ASB14: variants seen among roughly 807,000 people sequenced by gnomAD.
ASB14 encodes the protein ankyrin repeat and SOCS box containing 14, also known as ankyrin repeat and SOCS box protein 14.
In ASB14, 63 loss-of-function variants were observed where a neutral mutation model predicts 55.6. The observed-to-expected ratio is 1.13, with a 90% CI of 0.92 to 1.40. The LOEUF is 1.40. Among genes scored for constraint, ASB14 ranks in the 40% most tolerant of loss-of-function variants. The probability of loss-of-function intolerance (pLI) is 0.00; values close to 1 mark genes in which losing one functional copy is unlikely to be tolerated. For missense variants in ASB14, 724 were observed against 710.4 expected (o/e 1.02, Z -0.22); for synonymous variants, 256 against 259.9 (o/e 0.98, Z 0.15).
intron 2 of ASB14, among the ~76,000 whole-genome samples, chr3:57,290,311 C>A (rs574440469): frequency 6.6e-6 from 1 of 152,128 alleles, no homozygotes; most frequent in Admixed American, 6.6e-5. Flanking sequence ...GGCTGGTGGA[C>A]TCTCTGCCTC....
chr3:57,271,158 TTTC>T (rs1279255957), intron 10 of ASB14: 1 of 152,580 alleles, frequency 6.6e-6, no homozygotes, highest in Admixed American at 6.5e-5. Context: ...TATACAGTTT[TTTC>T]TTCTTAGTTC....
intron 5 of ASB14, 104 bp downstream of exon 5, chr3:57,287,795 CAG>C: frequency 1.6e-6 from 2 of 1,248,190 alleles, no homozygotes; most frequent in South Asian, 1.5e-5. Context: ...CAGTTGGGAA[CAG>C]AGTGACAGTG....
At chr3:57,278,098 A>G (rs1015566414) in intron 8 of ASB14, among the ~76,000 whole-genome samples, 178 bp from the exon 9 acceptor site, 2 of 152,244 alleles carry the variant, frequency 1.3e-5, no homozygotes. Flanking sequence ...TTCATCAGAA[A>G]TAAGATCAAA....
intron 5 of ASB14, 124 bp from the exon 6 acceptor site, chr3:57,283,563 T>C: frequency 2.1e-6 from 2 of 954,788 alleles, no homozygotes; most frequent in South Asian, 1.7e-5. Flanking sequence ...CCGAACATTC[T>C]GTGTTTAGGA....
chr3:57,273,527 T>C (rs1454257661), intron 10 of ASB14: 6 of 152,588 alleles, frequency 3.9e-5, no homozygotes, highest in Non-Finnish European at 7.4e-5. Flanking sequence ...TGTAAAACAA[T>C]GGACTTCTTA....
At chr3:57,291,832 A>C (rs2061133843) in intron 2 of ASB14, 80 bp downstream of exon 2, 1 of 1,293,022 alleles carries the variant, frequency 7.7e-7, no homozygotes, top group South Asian at 1.6e-5. Context: ...TTTTGTCACA[A>C]CACTAGAGTT....
chr3:57,290,064 T>C (rs1193165190), intron 2 of ASB14, among the ~76,000 whole-genome samples: 1 of 152,224 alleles, frequency 6.6e-6, no homozygotes, highest in Non-Finnish European at 1.5e-5. Flanking sequence ...CCTGCATTCA[T>C]AGATTTAGTA....
chr3:57,268,436 A>C lies in ASB14; in HGVS notation c.*1205T>G. ...CAGAAAAACAAAAAGAAATAGAGAG[A>C]GTAAAAGAGAAGCAACAGAAAGAAC... is the stretch of plus-strand genomic sequence containing the variant. On this transcript the variant is annotated 3_prime_UTR_variant, in exon 11 of 11. Transcript: ENST00000487349. The C allele has an allele frequency of 3.1e-6, 5 of 1,603,160 alleles. No individual in the cohort carries two copies. The highest frequency in any genetic ancestry group is 4.3e-6 in the Non-Finnish European group (5 of 1,173,812).
At chr3:57,291,601 C>T (rs1431047126) in intron 2 of ASB14, among the ~76,000 whole-genome samples, 1 of 152,140 alleles carries the variant, frequency 6.6e-6, no homozygotes, top group East Asian at 1.9e-4. Context: ...TCTTCAATTC[C>T]CAAAGACAAG....
intron 6 of ASB14, among the ~76,000 whole-genome samples, 151 bp from the exon 7 acceptor site, chr3:57,280,624 C>T (rs999109863): frequency 3.9e-5 from 6 of 152,160 alleles, no homozygotes; most frequent in Admixed American, 3.9e-4. Context: ...ATATATACCT[C>T]CTGCTCTCAA....
intron 5 of ASB14, among the ~76,000 whole-genome samples, chr3:57,284,639 G>A (rs372444210): frequency 3.3e-5 from 5 of 152,276 alleles, no homozygotes; most frequent in East Asian, 3.9e-4. Flanking sequence ...TAGCTCTACC[G>A]TTGTTACAAC....
intron 10 of ASB14, chr3:57,270,238 T>G (rs1179924364): frequency 6.5e-6 from 1 of 152,730 alleles, no homozygotes; most frequent in Non-Finnish European, 1.5e-5. Context: ...TTTCAAATTG[T>G]GGCAGGTGGT....
At chr3:57,289,687 C>CTTTTTTTTTTTTTT (rs34419265) in intron 2 of ASB14, among the ~76,000 whole-genome samples, 1 of 100,290 alleles carries the variant, frequency 1.0e-5, no homozygotes, top group Non-Finnish European at 2.0e-5. Flanking sequence ...ACCTTCCATT[C>CTTTTTTTTTTTTTT]TTTTTTTTTT....
rs1236890267 is a variant in ASB14 at position 57,275,670 on chromosome 3, C to T, written c.*22+858G>A. ...ACAACTGGCTTAAAGATGTGGATAC[C>T]TACTGAGAGATGTGTTTTTAGGTGA... is the stretch of plus-strand genomic sequence containing the variant. On this transcript the variant is annotated intron_variant, in intron 10 of 10. Coordinates refer to ENST00000487349, the MANE Select transcript of ASB14 (RefSeq NM_001142733.3). Among the ~76,000 whole-genome samples the T allele has an allele frequency of 2.6e-5, 4 of 151,924 alleles. No homozygotes were observed. In the East Asian group the frequency reaches 5.8e-4, roughly 22 times the overall value.
chr3:57,287,907 G>C lies in ASB14; in HGVS notation c.463C>G (p.Leu155Val). Residue 155 changes from leucine (L) to valine (V), a missense_variant, in exon 5 of 11, where the codon CTT (leucine) becomes GTT (valine). By Grantham distance (32) the Leu-to-Val change is conservative. Coordinates refer to ENST00000487349, the MANE Select transcript of ASB14 (RefSeq NM_001142733.3). The stretch of plus-strand genomic sequence containing the variant: ...AAACAATGTATTCATTTACCTGCAA[G>C]AAGAGGAGAATTGCCTTCGAAATTC... ...AKNFEGNSPL[L>V]AAVLRDCYDM... 6.5e-7 allele frequency: 1 copy of C among 1,537,144 alleles called. No homozygotes were observed. Among genetic ancestry groups the C allele is most frequent in the Non-Finnish European group, 8.7e-7 (1 of 1,146,828 alleles).
chr3:57,287,507 C>T (rs114008499), intron 5 of ASB14, among the ~76,000 whole-genome samples: 4,251 of 152,274 alleles, frequency 0.028, 91 homozygotes, highest in Admixed American at 0.043. Context: ...AGAGAATAAA[C>T]CTCCAGGATT....
intron 2 of ASB14, among the ~76,000 whole-genome samples, chr3:57,290,207 A>G (rs2061117969): frequency 6.6e-6 from 1 of 152,216 alleles, no homozygotes; most frequent in African/African-American, 2.4e-5. Context: ...CCGGACTGAA[A>G]TCAAGATGTC....
chr3:57,270,475 AT>A (rs1420920788), intron 10 of ASB14: 1 of 152,642 alleles, frequency 6.6e-6, no homozygotes, highest in Non-Finnish European at 1.5e-5. Flanking sequence ...TGTTCAATAC[AT>A]TTTAGATTAG....
intron 5 of ASB14, among the ~76,000 whole-genome samples, chr3:57,284,269 G>A (rs1559523371): frequency 6.6e-6 from 1 of 152,058 alleles, no homozygotes; most frequent in Non-Finnish European, 1.5e-5. Flanking sequence ...TGGGTCTACA[G>A]GCATATGCCA....
Sources: allele counts gnomAD v4.1 joint callset (sites outside exome capture counted in the v4.1 genomes callset), GRCh38; gene constraint gnomAD v4.1.1; transcripts MANE v1.5; gene names NCBI Gene and HGNC (gene_info 2026-07-23, HGNC 2026-07-21).